Variants in TBC1D14 observed in about 807,000 individuals in gnomAD.
TBC1D14 encodes the protein TBC1 domain family member 14.
TBC1D14 carries 26 observed loss-of-function variants against 79.0 expected under a neutral mutation model. The observed-to-expected ratio is 0.33, with a 90% CI of 0.24 to 0.46. TBC1D14 has a LOEUF of 0.46. Ranked by LOEUF, TBC1D14 falls within the 20% of genes least tolerant of loss-of-function variation. The pLI is 1.00. For missense variants in TBC1D14, 769 were observed against 887.6 expected, an observed-to-expected ratio of 0.87 and a Z score of 1.70; for synonymous variants, 394 against 349.9, an observed-to-expected ratio of 1.13 and a Z score of -1.40.
chr4:6,962,058 T>C (rs1715259042), intron 2 of TBC1D14, among the ~76,000 whole-genome samples: 1 of 152,206 alleles, frequency 6.6e-6, no homozygotes, highest in Admixed American at 6.5e-5. Context: ...ATCAGCCTTT[T>C]AGAAAGAAGA....
At chr4:6,931,906 C>T (rs922113813) in intron 2 of TBC1D14, among the ~76,000 whole-genome samples, 1 of 151,972 alleles carries the variant, frequency 6.6e-6, no homozygotes, top group African/African-American at 2.4e-5. Flanking sequence ...TGATGGTAAA[C>T]ACAGTGAGTA....
chr4:6,936,299 A>T lies in TBC1D14; in HGVS notation c.722+12188A>T, dbSNP rs189332971. Among the ~76,000 whole-genome samples the T allele has an allele frequency of 5.9e-5, 9 of 152,300 alleles. No individual in the cohort carries two copies. The East Asian group carries it at 1.5e-3, about 26-fold the overall frequency. The stretch of plus-strand genomic sequence containing the variant: ...TTTCACTGCCCCCAAATCCTCTGTG[A>T]TCCACCTGTCCGTCTCTCTTTTTCT... On this transcript the variant is annotated intron_variant, in intron 2 of 13. Coordinates refer to ENST00000409757, the MANE Select transcript of TBC1D14 (RefSeq NM_020773.3).
intron 3 of TBC1D14, among the ~76,000 whole-genome samples, chr4:6,991,062 A>T (rs946753706): frequency 1.3e-5 from 2 of 151,964 alleles, no homozygotes; most frequent in African/African-American, 4.8e-5. Flanking sequence ...TTCCAACACC[A>T]TTTCTCTTCT....
chr4:6,957,840 C>T (rs1276240606), intron 2 of TBC1D14, among the ~76,000 whole-genome samples: 2 of 152,008 alleles, frequency 1.3e-5, no homozygotes, highest in Non-Finnish European at 2.9e-5. Context: ...GAGGTTGAGG[C>T]TGCAGTGAGC....
At position 7,032,691 on chromosome 4, in the gene TBC1D14, A is replaced by G. The variant is rs182790170; in HGVS notation, c.*2299A>G. On this transcript the variant is annotated 3_prime_UTR_variant, in exon 14 of 14. Coordinates refer to ENST00000409757, the MANE Select transcript of TBC1D14 (RefSeq NM_020773.3). The stretch of plus-strand genomic sequence containing the variant: ...AGGGTCCCTTAACACCTCGGCACAG[A>G]GGCTGTTGGCAAGTGTAGAGGCTGC... 6.6e-6 allele frequency: 1 copy of G among 152,202 alleles called. No homozygotes were observed. 9.4% of individuals were successfully genotyped at this position (152,202 alleles called of 1,614,324 possible).
rs1715775220 is a variant in TBC1D14 at position 6,967,164 on chromosome 4, T to A, written c.723-140T>A. On this transcript the variant is annotated intron_variant, in intron 2 of 13. Transcript: ENST00000409757. ...TTCTCCTGCCGCGTAATTCTGTGTC[T>A]GTATGAAAATCAAGTCTGAAGAATT... 7 of 1,149,294 alleles carry A rather than the reference T, an allele frequency of 6.1e-6. No individual in the cohort carries two copies. In the Admixed American group the frequency reaches 1.4e-4, roughly 24 times the overall value. The allele number at this position is 1,149,294 out of a possible 1,614,324, so 71.2% of individuals were successfully genotyped here. A position where few individuals can be genotyped will look rare whatever the true frequency, so the allele number is the denominator to read the frequency against.
chr4:6,963,467 G>A (rs751596645), intron 2 of TBC1D14, among the ~76,000 whole-genome samples: 2 of 152,228 alleles, frequency 1.3e-5, no homozygotes, highest in Non-Finnish European at 2.9e-5. Context: ...GCCCAGGCTC[G>A]CTCCTGCCCA....
At chr4:6,940,859 C>A (rs529418595) in intron 2 of TBC1D14, among the ~76,000 whole-genome samples, 1 of 152,288 alleles carries the variant, frequency 6.6e-6, no homozygotes, top group South Asian at 2.1e-4. Flanking sequence ...GCAGTCCATG[C>A]AGCACTTACT....
At chr4:6,992,657 G>A (rs955028072) in intron 3 of TBC1D14, among the ~76,000 whole-genome samples, 1 of 152,208 alleles carries the variant, frequency 6.6e-6, no homozygotes, top group Non-Finnish European at 1.5e-5. Flanking sequence ...AATGCAGCAT[G>A]CCTCAGAATC....
chr4:7,001,348 G>C, intron 7 of TBC1D14, 97 bp downstream of exon 7: 3 of 1,022,606 alleles, frequency 2.9e-6, no homozygotes, highest in Non-Finnish European at 4.4e-6. Context: ...CCATTGCCAC[G>C]AATCTGTGTC....
chr4:6,976,694 G>A (rs975797308), intron 3 of TBC1D14, among the ~76,000 whole-genome samples: 1 of 152,188 alleles, frequency 6.6e-6, no homozygotes, highest in Non-Finnish European at 1.5e-5. Context: ...GCTAGGAGGA[G>A]ACTTGGAACA....
rs1268577994 is a variant in TBC1D14 at position 7,014,527 on chromosome 4, A to G, written c.1727A>G (p.Asn576Ser). 1 of 1,613,652 alleles carries G rather than the reference A, an allele frequency of 6.2e-7. No individual in the cohort carries two copies. Among genetic ancestry groups the G allele is most frequent in the Non-Finnish European group, 8.5e-7 (1 of 1,179,666 alleles). Residue 576 changes from asparagine (N) to serine (S), a missense_variant, in exon 12 of 14, where the codon AAC becomes AGC. Around this residue, in one of 2 missense-constraint regions of TBC1D14, gnomAD observed 367 missense variants for 494.4 expected, o/e 0.74. Coordinates refer to ENST00000409757, the MANE Select transcript of TBC1D14 (RefSeq NM_020773.3). Reference protein sequence around the residue: ...PKLFAHFKKNNLTPDIYLIDW... With the variant: ...PKLFAHFKKNSLTPDIYLIDW... ...TTATTTGCGCATTTCAAGAAGAACAACCTAACTCCAGATATCTACCTAATT... is the reference window on the plus strand; with the variant it reads ...TTATTTGCGCATTTCAAGAAGAACAGCCTAACTCCAGATATCTACCTAATT...
chr4:6,987,408 G>A, intron 3 of TBC1D14: 1 of 1,346,006 alleles, frequency 7.4e-7, no homozygotes, highest in South Asian at 1.8e-5. Flanking sequence ...CGGTCCCGTG[G>A]GCCTGTCCTG....
chr4:7,003,240 C>T (rs1719845959), intron 7 of TBC1D14, among the ~76,000 whole-genome samples: 2 of 152,220 alleles, frequency 1.3e-5, no homozygotes. Context: ...AACTCTTTGA[C>T]ACTTTGACCC....
At chr4:6,987,047 G>GCA (rs2109118762) in intron 3 of TBC1D14, 1 of 595,156 alleles carries the variant, frequency 1.7e-6, no homozygotes, top group South Asian at 8.2e-5. Context: ...GGTGTTTACG[G>GCA]CCGGTGGGGC....
intron 3 of TBC1D14, among the ~76,000 whole-genome samples, chr4:6,987,806 A>T (rs1376776829): frequency 1.3e-5 from 2 of 152,230 alleles, no homozygotes; most frequent in Non-Finnish European, 2.9e-5. Flanking sequence ...TTGCAACAGC[A>T]ACCGGGCGTG....
intron 12 of TBC1D14, among the ~76,000 whole-genome samples, chr4:7,022,260 C>T (rs1294791601): frequency 7.2e-5 from 11 of 152,154 alleles, no homozygotes. Context: ...CTGGAGAGGC[C>T]ATGGGGAGCC....
rs1249622256 is a variant in TBC1D14, at chr4:6,967,431, A to G, written c.843+7A>G. On this transcript the variant is annotated splice_region_variant and intron_variant, in intron 3 of 13. Transcript: ENST00000409757. Reference sequence around the variant, plus strand: ...TTCAAAGAGAATACAGAAGGTACACAAGATACAAAATCACAGAAATAGGCT... The same window carrying G: ...TTCAAAGAGAATACAGAAGGTACACGAGATACAAAATCACAGAAATAGGCT... 3 of 1,610,942 alleles carry G rather than the reference A, an allele frequency of 1.9e-6. No homozygotes were observed. The African/African-American group carries it at 4.0e-5, about 22-fold the overall frequency.
chr4:6,961,367 C>T (rs1196551362), intron 2 of TBC1D14, among the ~76,000 whole-genome samples: 2 of 151,812 alleles, frequency 1.3e-5, no homozygotes, highest in African/African-American at 4.9e-5. Context: ...GATGGGCACT[C>T]CCCATTCTTG....
Sources: gnomAD v4.1 joint callset for allele counts (sites outside exome capture counted in the v4.1 genomes callset) on GRCh38, gnomAD v4.1.1 for gene constraint, gnomAD v4.1.1 regional missense constraint, MANE v1.5 for transcripts, NCBI Gene and HGNC (gene_info 2026-07-23, HGNC 2026-07-21) for gene names.